PTPRD: variants seen among roughly 807,000 people sequenced by gnomAD.
PTPRD encodes protein tyrosine phosphatase receptor type D, also known as receptor-type tyrosine-protein phosphatase delta.
A neutral mutation model predicts 214.5 loss-of-function variants in PTPRD; 34 were observed. That is an observed-to-expected ratio of 0.16 (90% CI 0.12 to 0.21). PTPRD has a LOEUF of 0.21. Ranked by LOEUF, PTPRD falls within the 10% of genes least tolerant of loss-of-function variation. PTPRD has a pLI of 1.00. For synonymous variants in PTPRD, 1,128 were observed against 845.7 expected (o/e 1.33, Z -5.79); for missense variants, 2,545 against 2,398.7 (o/e 1.06, Z -1.27).
At chr9:9,321,556 G>GAAAAAAA (rs3048028) in intron 9 of PTPRD, among the ~76,000 whole-genome samples, 1,409 of 138,352 alleles carry the variant, frequency 0.01, 31 homozygotes, top group African/African-American at 0.031. Flanking sequence ...ACTCCACTGA[G>GAAAAAAA]AAAAAAAAAA....
rs2081297477 is a variant in PTPRD at position 10,612,462 on chromosome 9, CAAAT to C, written c.-668_-665del. The C allele has an allele frequency of 6.6e-6, 1 of 152,222 alleles. No homozygotes were observed. The highest frequency in any genetic ancestry group is 2.1e-4 in the South Asian group (1 of 4,830). 9.4% of individuals were successfully genotyped at this position (152,222 alleles called of 1,614,324 possible). A position where few individuals can be genotyped will look rare whatever the true frequency, so the allele number is the denominator to read the frequency against. On this transcript the variant is annotated 5_prime_UTR_variant, in exon 2 of 46. Transcript: ENST00000381196. ...GTCTTCTCTTTTCTTTCCTACCAGT[CAAAT>C]AAAGAATTGTCTTTCTATTCCACAC...
At chr9:10,518,333 G>A (rs971784869) in intron 2 of PTPRD, among the ~76,000 whole-genome samples, 3 of 152,012 alleles carry the variant, frequency 2.0e-5, no homozygotes, top group Non-Finnish European at 4.4e-5. Flanking sequence ...CCAGAGACTG[G>A]TAAATTCACT....
intron 3 of PTPRD, among the ~76,000 whole-genome samples, chr9:10,253,832 A>G (rs2093007104): frequency 6.6e-6 from 1 of 152,216 alleles, no homozygotes; most frequent in Non-Finnish European, 1.5e-5. Flanking sequence ...TTCATTGGCT[A>G]TATGGAACTG....
chr9:8,975,823 C>G (rs541931486), intron 11 of PTPRD, among the ~76,000 whole-genome samples: 1 of 151,080 alleles, frequency 6.6e-6, no homozygotes, highest in East Asian at 1.9e-4. Context: ...TATACACATC[C>G]AAAATTGATA....
intron 2 of PTPRD, among the ~76,000 whole-genome samples, chr9:10,417,148 A>C (rs1457198951): frequency 6.6e-6 from 1 of 151,870 alleles, no homozygotes; most frequent in Non-Finnish European, 1.5e-5. Flanking sequence ...ATATGTTTCC[A>C]ATTTATGGCA....
At chr9:10,140,392 C>A (rs1029718704) in intron 3 of PTPRD, among the ~76,000 whole-genome samples, 7 of 151,428 alleles carry the variant, frequency 4.6e-5, no homozygotes, top group African/African-American at 7.3e-5. Context: ...ATCAAATAGA[C>A]GCAACAAAAA....
intron 8 of PTPRD, among the ~76,000 whole-genome samples, chr9:9,416,717 A>G (rs1161806672): frequency 2.0e-5 from 3 of 152,046 alleles, no homozygotes; most frequent in Non-Finnish European, 4.4e-5. Context: ...TATTCATTCA[A>G]TCTATTGTTG....
rs553232071 is a variant in PTPRD at position 8,340,356 on chromosome 9, C to A, written c.5240G>T (p.Arg1747Leu). 2 of 1,607,882 alleles carry A rather than the reference C, an allele frequency of 1.2e-6. No homozygotes were observed. Among genetic ancestry groups the A allele is most frequent in the Admixed American group, 3.3e-5 (2 of 59,838 alleles). The change falls in exon 42 of 46, where the codon CGT (arginine) becomes CTT (leucine). Residue 1747 changes from arginine (R) to leucine (L), a missense_variant. By Grantham distance (102) the Arg-to-Leu change is moderately radical (BLOSUM62 -2). Coordinates refer to ENST00000381196, the MANE Select transcript of PTPRD (RefSeq NM_002839.4). ...STIVVMLTKL[R>L]EMGREKCHQY... The stretch of plus-strand genomic sequence containing the variant: ...CCACACACTTACTCTGCCCATTTCA[C>A]GCAGCTTGGTGAGCATCACAACTAT...
intron 11 of PTPRD, among the ~76,000 whole-genome samples, chr9:8,928,886 C>T (rs28895413): frequency 6.6e-6 from 1 of 152,116 alleles, no homozygotes; most frequent in African/African-American, 2.4e-5. Flanking sequence ...GTTTGCAGTT[C>T]TGCCTGAAGA....
intron 2 of PTPRD, among the ~76,000 whole-genome samples, chr9:10,580,049 G>C (rs374566163): frequency 6.6e-6 from 1 of 151,912 alleles, no homozygotes; most frequent in African/African-American, 2.4e-5. Context: ...AACATTAGAG[G>C]GTTAACTCTT....
chr9:9,148,214 C>T (rs760325551), intron 10 of PTPRD, among the ~76,000 whole-genome samples: 1 of 152,030 alleles, frequency 6.6e-6, no homozygotes, highest in Admixed American at 6.6e-5. Context: ...TTAGAGGTTA[C>T]TTTAATTTTA....
At chr9:9,058,863 G>A (rs1449439007) in intron 10 of PTPRD, among the ~76,000 whole-genome samples, 4 of 152,102 alleles carry the variant, frequency 2.6e-5, no homozygotes, top group African/African-American at 9.7e-5. Flanking sequence ...ATAAGGTAAT[G>A]TAATTCCTCT....
chr9:9,935,118 A>G (rs2088664228), intron 5 of PTPRD, among the ~76,000 whole-genome samples: 1 of 152,138 alleles, frequency 6.6e-6, no homozygotes, highest in Non-Finnish European at 1.5e-5. Flanking sequence ...AGCCAATATC[A>G]TACTGAATGG....
At chr9:8,916,819 A>G (rs1362450982) in intron 11 of PTPRD, among the ~76,000 whole-genome samples, 1 of 152,192 alleles carries the variant, frequency 6.6e-6, no homozygotes, top group Non-Finnish European at 1.5e-5. Context: ...TATAAAATGA[A>G]TTCTATTAAA....
chr9:8,826,525 C>G (rs2097178165), intron 11 of PTPRD, among the ~76,000 whole-genome samples: 1 of 152,124 alleles, frequency 6.6e-6, no homozygotes, highest in African/African-American at 2.4e-5. Flanking sequence ...TGCCTTTTAT[C>G]CTTCATACGT....
intron 4 of PTPRD, among the ~76,000 whole-genome samples, chr9:9,998,807 A>G (rs1483380612): frequency 6.6e-6 from 1 of 152,218 alleles, no homozygotes; most frequent in East Asian, 1.9e-4. Flanking sequence ...AAAGGTAGCT[A>G]ACATTTTTAC....
intron 11 of PTPRD, among the ~76,000 whole-genome samples, chr9:8,830,785 G>A (rs1488196142): frequency 2.6e-5 from 4 of 152,040 alleles, no homozygotes; most frequent in Admixed American, 2.6e-4. Flanking sequence ...GTAATTTGGG[G>A]AAAGGGCATA....
chr9:8,770,644 T>G (rs1162554163), intron 11 of PTPRD, among the ~76,000 whole-genome samples: 1 of 152,224 alleles, frequency 6.6e-6, no homozygotes, highest in Non-Finnish European at 1.5e-5. Flanking sequence ...ATCTACTTGA[T>G]ACTTGCTTGA....
intron 3 of PTPRD, among the ~76,000 whole-genome samples, chr9:10,220,793 T>A (rs1041927543): frequency 4.3e-4 from 66 of 151,906 alleles, no homozygotes; most frequent in Non-Finnish European, 8.8e-4. Context: ...TTATCTGATA[T>A]GAGTTTTCCT....
Sources: gnomAD v4.1 joint callset for allele counts (sites outside exome capture counted in the v4.1 genomes callset) on GRCh38, gnomAD v4.1.1 for gene constraint, MANE v1.5 for transcripts, NCBI Gene and HGNC (gene_info 2026-07-23, HGNC 2026-07-21) for gene names.